The following MYCBP2 variants were observed in gnomAD, a reference collection of about 807,000 sequenced individuals.
MYCBP2 encodes E3 ubiquitin-protein ligase MYCBP2.
In MYCBP2, 120 loss-of-function variants were observed where a neutral mutation model predicts 525.3. The observed-to-expected ratio is 0.23, with a 90% CI of 0.20 to 0.27. The LOEUF (loss-of-function observed/expected upper bound fraction) is 0.27, where lower values mean the gene tolerates loss of function less well. MYCBP2 is among the 10% of genes least tolerant of loss of function. The probability of loss-of-function intolerance (pLI) is 1.00; values close to 1 mark genes in which losing one functional copy is unlikely to be tolerated. For missense variants in MYCBP2, 4,149 were observed against 5,657.1 expected, an observed-to-expected ratio of 0.73 and a Z score of 8.55; for synonymous variants, 1,894 against 1,955.8, an observed-to-expected ratio of 0.97 and a Z score of 0.83.
intron 19 of MYCBP2, 23 bp from the exon 20 acceptor site, chr13:77,224,555 T>C (rs750548628): frequency 1.3e-5 from 19 of 1,436,140 alleles, no homozygotes; most frequent in Non-Finnish European, 1.9e-5. Context: ...CACACAGCTT[T>C]ATTTTTTCAT....
At chr13:77,296,042 A>T (rs1322699250) in intron 2 of MYCBP2, among the ~76,000 whole-genome samples, 3 of 152,226 alleles carry the variant, frequency 2.0e-5, no homozygotes, top group Non-Finnish European at 4.4e-5. Flanking sequence ...TATGTTCCCC[A>T]AAGGACTGAT....
intron 20 of MYCBP2, among the ~76,000 whole-genome samples, chr13:77,223,359 C>T (rs1027131162): frequency 6.6e-6 from 1 of 152,126 alleles, no homozygotes; most frequent in Non-Finnish European, 1.5e-5. Flanking sequence ...CCCGATTCTT[C>T]CTTCTCTTTC....
chr13:77,087,065 G>T (rs2154114141), intron 62 of MYCBP2, among the ~76,000 whole-genome samples: 1 of 152,162 alleles, frequency 6.6e-6, no homozygotes, highest in Non-Finnish European at 1.5e-5. Flanking sequence ...CTTGCTCATG[G>T]TGTCTTGTTT....
intron 26 of MYCBP2, among the ~76,000 whole-genome samples, chr13:77,194,888 A>G (rs1367642201): frequency 6.6e-6 from 1 of 152,196 alleles, no homozygotes; most frequent in Non-Finnish European, 1.5e-5. Context: ...GATGAAAAGC[A>G]TGAAACAAAT....
chr13:77,250,927 T>C (rs1055416648), intron 15 of MYCBP2, among the ~76,000 whole-genome samples: 21 of 152,118 alleles, frequency 1.4e-4, no homozygotes, highest in Non-Finnish European at 2.6e-4. Flanking sequence ...TTTAAATGAA[T>C]CAAATGAAAG....
rs1020312499 is a variant in MYCBP2, at chr13:77,326,834, C to A, written c.-59G>T. Reference sequence around the variant, plus strand: ...CCCGCGGGCCGGGCGGGCAGACACGCGCGCGCACACACAGCCCTTTTCCAA... The same window carrying A: ...CCCGCGGGCCGGGCGGGCAGACACGAGCGCGCACACACAGCCCTTTTCCAA... On this transcript the variant is annotated 5_prime_UTR_variant, in exon 1 of 83. Transcript: ENST00000544440. The surrounding 1 kb of genome is among the most constrained non-coding windows in gnomAD (Gnocchi z 4.2). 16 of 1,365,564 alleles carry A rather than the reference C, an allele frequency of 1.2e-5. No homozygotes were observed. In the Admixed American group the frequency reaches 1.2e-4, roughly 10 times the overall value. 84.6% of individuals were successfully genotyped at this position (1,365,564 alleles called of 1,614,324 possible).
At chr13:77,078,769 G>A (rs2042784628) in intron 66 of MYCBP2, 55 bp downstream of exon 66, 2 of 1,425,608 alleles carry the variant, frequency 1.4e-6, no homozygotes, top group Non-Finnish European at 2.0e-6. Context: ...TGAAGGCTGA[G>A]AAGAAGAAAT....
rs2043324285 is a variant in MYCBP2, at chr13:77,081,667, A to G, written c.11194-16T>C. On this transcript the variant is annotated splice_polypyrimidine_tract_variant and intron_variant, in intron 64 of 82. Transcript: ENST00000544440. This position sits in a 1 kb window ranked among gnomAD's most constrained non-coding sequence, Gnocchi z 4.6. ...TGCATAATTCCTATCAGAAACAAAT[A>G]TAAGTACTTATGATACTTAAAAGCA... is the stretch of plus-strand genomic sequence containing the variant. 2 of 1,585,850 alleles carry G rather than the reference A, an allele frequency of 1.3e-6. No homozygotes were observed. Among genetic ancestry groups the G allele is most frequent in the East Asian group, 4.5e-5 (2 of 44,574 alleles).
Position 77,156,289 on chromosome 13 carries a change from A to G in MYCBP2, c.6771-87T>C, listed in dbSNP as rs913106839. 8 of 1,267,690 alleles carry G rather than the reference A, an allele frequency of 6.3e-6. No homozygotes were observed. In the East Asian group the frequency reaches 9.9e-5, roughly 16 times the overall value. The allele number at this position is 1,267,690 out of a possible 1,614,324, so 78.5% of individuals were successfully genotyped here. On this transcript the variant is annotated intron_variant, in intron 45 of 82. Transcript: ENST00000544440. ...AATATAAAATTAAGCCAAATGAACA[A>G]AACTTGTATCAAACAAAATGCTAAA...
intron 65 of MYCBP2, among the ~76,000 whole-genome samples, chr13:77,079,636 G>T (rs2042951552): frequency 6.6e-6 from 1 of 152,128 alleles, no homozygotes. Context: ...CATACATACA[G>T]GTTGAGTATC....
At chr13:77,267,725 A>T in intron 8 of MYCBP2, 116 bp downstream of exon 8, 1 of 788,224 alleles carries the variant, frequency 1.3e-6, no homozygotes, top group Non-Finnish European at 2.1e-6. Flanking sequence ...AGATTTTTAA[A>T]ACCCTTTTAT....
intron 50 of MYCBP2, 42 bp from the exon 51 acceptor site, chr13:77,140,205 G>T: frequency 2.4e-6 from 3 of 1,262,396 alleles, no homozygotes; most frequent in South Asian, 1.3e-5. Context: ...GAAGAACATA[G>T]AATAGAGATC....
At chr13:77,192,919 A>G (rs960647022) in intron 27 of MYCBP2, among the ~76,000 whole-genome samples, 1 of 152,190 alleles carries the variant, frequency 6.6e-6, no homozygotes, top group Non-Finnish European at 1.5e-5. Context: ...ACTTGAGGTC[A>G]GGAGTTCAAG....
chr13:77,112,220 A>G (rs971103146), intron 55 of MYCBP2, among the ~76,000 whole-genome samples: 3 of 150,758 alleles, frequency 2.0e-5, no homozygotes, highest in African/African-American at 4.9e-5. Flanking sequence ...GTTATGATGG[A>G]TAACTATTTA....
At position 77,122,638 on chromosome 13, in the gene MYCBP2, C is replaced by T. The variant is rs953753460; in HGVS notation, c.8018-1143G>A. ...CTGGGAGGCGGAGCTTGCAGTGAGC[C>T]GAGATCGCGCCACTGCACCCCAGCC... On this transcript the variant is annotated intron_variant, in intron 54 of 82. Coordinates refer to ENST00000544440, the MANE Select transcript of MYCBP2 (RefSeq NM_015057.5). Among the ~76,000 whole-genome samples the T allele has an allele frequency of 7.6e-5, 11 of 145,010 alleles. No individual in the cohort carries two copies. In the South Asian group the frequency reaches 1.9e-3, roughly 25 times the overall value.
At chr13:77,112,340 A>G (rs2048967050) in intron 55 of MYCBP2, among the ~76,000 whole-genome samples, 1 of 146,488 alleles carries the variant, frequency 6.8e-6, no homozygotes, top group African/African-American at 2.5e-5. Flanking sequence ...TTTATATAAT[A>G]TATATTTTAT....
intron 2 of MYCBP2, among the ~76,000 whole-genome samples, chr13:77,292,099 G>T (rs1234966370): frequency 6.6e-6 from 1 of 152,162 alleles, no homozygotes; most frequent in Admixed American, 6.5e-5. Context: ...AACCCACAAA[G>T]TCTTGAATTC....
At chr13:77,069,850 A>G in intron 69 of MYCBP2, among the ~76,000 whole-genome samples, 1 of 152,060 alleles carries the variant, frequency 6.6e-6, no homozygotes, top group Admixed American at 6.6e-5. Flanking sequence ...CCTGGGCAAC[A>G]GAGCGAGACT....
At chr13:77,131,422 GAAGGCAGGACTCCT>G (rs1455491215) in intron 52 of MYCBP2, among the ~76,000 whole-genome samples, 2 of 151,838 alleles carry the variant, frequency 1.3e-5, no homozygotes, top group South Asian at 2.1e-4. Flanking sequence ...GGGAAGCTGA[GAAGGCAGGACTCCT>G]TGAGCCCAGA....
Sources: gnomAD v4.1 joint callset for allele counts (sites outside exome capture counted in the v4.1 genomes callset) on GRCh38, gnomAD v4.1.1 for gene constraint, Gnocchi (gnomAD v3.1) non-coding constraint, MANE v1.5 for transcripts, NCBI Gene and HGNC (gene_info 2026-07-23, HGNC 2026-07-21) for gene names.